WDPCP: variants seen among roughly 807,000 people sequenced by gnomAD.
WDPCP encodes the protein WD repeat-containing and planar cell polarity effector protein fritz homolog.
Under a neutral mutation model 93.1 loss-of-function variants are expected in WDPCP, and 71 were observed. That is an observed-to-expected ratio of 0.76 (90% CI 0.63 to 0.93). The LOEUF (loss-of-function observed/expected upper bound fraction) is 0.93. WDPCP is among the 40% of genes least tolerant of loss of function. The pLI is 0.00. For missense variants in WDPCP, 844 were observed against 887.4 expected, an observed-to-expected ratio of 0.95 and a Z score of 0.62; for synonymous variants, 315 against 315.0, an observed-to-expected ratio of 1.00 and a Z score of 0.00.
chr2:63,411,628 T>C (rs891063078), intron 9 of WDPCP, among the ~76,000 whole-genome samples: 5 of 152,060 alleles, frequency 3.3e-5, no homozygotes, highest in African/African-American at 4.8e-5. Flanking sequence ...TGATAGACCA[T>C]TAGCAAGATT....
At chr2:63,605,720 G>A in intron 3 of WDPCP, 1 of 598,438 alleles carries the variant, frequency 1.7e-6, no homozygotes, top group South Asian at 2.0e-5. Context: ...ATGAGGATTA[G>A]GTTTCCCTGG....
At chr2:63,324,752 T>C (rs1031730575) in intron 12 of WDPCP, among the ~76,000 whole-genome samples, 1 of 152,150 alleles carries the variant, frequency 6.6e-6, no homozygotes, top group Admixed American at 6.5e-5. Flanking sequence ...CTGTCCCCAG[T>C]ATGGATCCCC....
chr2:63,763,776 C>CA (rs1448194648), intron 2 of WDPCP, among the ~76,000 whole-genome samples: 1 of 151,946 alleles, frequency 6.6e-6, no homozygotes, highest in Non-Finnish European at 1.5e-5. Context: ...TTATTTGTGC[C>CA]AAAAAATTGC....
intron 1 of WDPCP, among the ~76,000 whole-genome samples, chr2:63,573,344 C>T (rs1213114163): frequency 5.9e-5 from 9 of 152,062 alleles, no homozygotes; most frequent in African/African-American, 4.8e-5. Flanking sequence ...ACGGAGGGAC[C>T]GGCTGAAGCC....
chr2:63,593,964 T>C (rs1709253178), intron 3 of WDPCP, among the ~76,000 whole-genome samples: 1 of 152,232 alleles, frequency 6.6e-6, no homozygotes, highest in Non-Finnish European at 1.5e-5. Context: ...TGTCACTACA[T>C]GTTGCTGTTG....
chr2:63,821,309 G>T, intron 1 of WDPCP, among the ~76,000 whole-genome samples: 1 of 152,158 alleles, frequency 6.6e-6, no homozygotes, highest in East Asian at 1.9e-4. Flanking sequence ...CTAAGATTTG[G>T]GGTGAGGAAG....
intron 3 of WDPCP, among the ~76,000 whole-genome samples, chr2:63,625,758 C>G (rs983883689): frequency 1.3e-5 from 2 of 152,166 alleles, no homozygotes; most frequent in African/African-American, 2.4e-5. Context: ...AATGGCCATA[C>G]TGCCTAAAGT....
At position 63,150,118 on chromosome 2, in the gene WDPCP, T is replaced by C. The variant is rs183017190; in HGVS notation, c.2190+2796A>G. ...AGAGTAGATGGAAGAAGAAATGTAA[T>C]TGAGGAGGGACACCCAGGGGACTTC... is the stretch of plus-strand genomic sequence containing the variant. On this transcript the variant is annotated intron_variant, in intron 17 of 17. Transcript: ENST00000272321. 3.0e-3 allele frequency among the ~76,000 whole-genome samples: 463 copies of C among 152,222 alleles called. 1 individual carries two copies. The highest frequency in any genetic ancestry group is 0.01 in the Middle Eastern group (3 of 294).
At chr2:63,293,178 T>G (rs2105029206) in intron 13 of WDPCP, among the ~76,000 whole-genome samples, 1 of 152,330 alleles carries the variant, frequency 6.6e-6, no homozygotes, top group East Asian at 1.9e-4. Flanking sequence ...CCCTTCATTT[T>G]TCTTTCTTGC....
At chr2:63,831,362 C>T (rs1671191785), upstream of WDPCP, among the ~76,000 whole-genome samples, 1 of 152,174 alleles carries the variant, frequency 6.6e-6, no homozygotes, top group African/African-American at 2.4e-5. Context: ...CTCCAGTCTC[C>T]TCTCTCCTAG....
chr2:63,489,089 A>G (rs2028887), intron 2 of WDPCP, among the ~76,000 whole-genome samples: 108,631 of 151,894 alleles, frequency 0.72, 39,286 homozygotes, highest in East Asian at 0.98. Flanking sequence ...GAGGACATTT[A>G]CATATGGGGG....
intron 2 of WDPCP, among the ~76,000 whole-genome samples, chr2:63,743,427 T>G (rs1029929402): frequency 6.6e-6 from 1 of 152,112 alleles, no homozygotes; most frequent in African/African-American, 2.4e-5. Flanking sequence ...GCTAATTCCT[T>G]TGAATAGCTT....
At chr2:63,508,274 T>G (rs1275400880) in intron 1 of WDPCP, among the ~76,000 whole-genome samples, 1 of 152,098 alleles carries the variant, frequency 6.6e-6, no homozygotes, top group Non-Finnish European at 1.5e-5. Flanking sequence ...GATTGGGGGC[T>G]AATAATCAAC....
At position 63,534,294 on chromosome 2, in the gene WDPCP, G is replaced by A. The variant is rs555616572; in HGVS notation, c.76-41354C>T. Among the ~76,000 whole-genome samples the A allele has an allele frequency of 1.3e-3, 198 of 152,302 alleles. 9 individuals carry two copies. Among genetic ancestry groups the A allele is most frequent in the Non-Finnish European group, 5.3e-4 (36 of 68,038 alleles). On this transcript the variant is annotated intron_variant, in intron 1 of 17. Coordinates refer to ENST00000272321, the MANE Select transcript of WDPCP (RefSeq NM_015910.7). ...TCTACCAGAGGTACAAAGAGGAGCC[G>A]GTACCATTCCTTCTGAAACTATTCC...
At chr2:63,729,020 C>T (rs868768505) in intron 2 of WDPCP, among the ~76,000 whole-genome samples, 1 of 152,092 alleles carries the variant, frequency 6.6e-6, no homozygotes, top group Non-Finnish European at 1.5e-5. Context: ...AATTATGCCC[C>T]TCAAAGAGGC....
chr2:63,791,941 T>C (rs148264271), intron 2 of WDPCP, among the ~76,000 whole-genome samples: 21 of 152,334 alleles, frequency 1.4e-4, no homozygotes, highest in African/African-American at 3.8e-4. Flanking sequence ...TAAACGCTGC[T>C]TAAATCATTG....
chr2:63,510,894 T>G (rs997678496), intron 1 of WDPCP, among the ~76,000 whole-genome samples: 3 of 152,150 alleles, frequency 2.0e-5, no homozygotes, highest in Admixed American at 1.3e-4. Flanking sequence ...GAGAATGGCA[T>G]GAACCTGAGA....
In WDPCP at chr2:63,199,466, T is replaced by C. The variant is rs927847683; in HGVS notation, c.1916-24634A>G. On this transcript the variant is annotated intron_variant, in intron 14 of 17. Transcript: ENST00000272321. ...CCGCCTCCAGACATGGCACCCTTCA[T>C]TGTGGCTGTTCCAACTCCAGCCATG... 2.6e-5 allele frequency among the ~76,000 whole-genome samples: 4 copies of C among 152,186 alleles called. No individual in the cohort carries two copies. The South Asian group carries it at 8.3e-4, about 32-fold the overall frequency.
chr2:63,132,577 A>G (rs1326270713), intron 17 of WDPCP, among the ~76,000 whole-genome samples: 1 of 147,366 alleles, frequency 6.8e-6, no homozygotes, highest in African/African-American at 2.5e-5. Context: ...GTTATCTTTA[A>G]GCTTGTTTAT....
Sources: allele counts gnomAD v4.1 joint callset (sites outside exome capture counted in the v4.1 genomes callset), GRCh38; gene constraint gnomAD v4.1.1; transcripts MANE v1.5; gene names NCBI Gene and HGNC (gene_info 2026-07-23, HGNC 2026-07-21).